FGF14: variants seen among roughly 807,000 people sequenced by gnomAD.
FGF14 encodes the protein fibroblast growth factor 14.
A neutral mutation model predicts 25.5 loss-of-function variants in FGF14; 5 were observed. The observed-to-expected ratio is 0.20, with a 90% CI of 0.10 to 0.41. The LOEUF (loss-of-function observed/expected upper bound fraction) is 0.41, where lower values mean the gene tolerates loss of function less well. FGF14 is among the 10% of genes least tolerant of loss of function. FGF14 has a pLI of 1.00. For synonymous variants in FGF14, 138 were observed against 118.3 expected (o/e 1.17, Z -1.08); for missense variants, 222 against 320.1 (o/e 0.69, Z 2.34).
intron 1 of FGF14, among the ~76,000 whole-genome samples, chr13:102,134,818 A>G (rs1338770371): frequency 6.6e-6 from 1 of 152,236 alleles, no homozygotes; most frequent in African/African-American, 2.4e-5. Context: ...CTCTGTTGAT[A>G]CAAATGTTTC....
intron 1 of FGF14, among the ~76,000 whole-genome samples, chr13:102,047,281 TA>T (rs1226560171): frequency 6.6e-6 from 1 of 152,074 alleles, no homozygotes; most frequent in Non-Finnish European, 1.5e-5. Context: ...CACATACACA[TA>T]CATACATCTT....
chr13:102,205,188 T>C (rs1368610755), intron 1 of FGF14, among the ~76,000 whole-genome samples: 3 of 152,222 alleles, frequency 2.0e-5, no homozygotes, highest in African/African-American at 4.8e-5. Flanking sequence ...TGTGTGTGTG[T>C]GCATGTGAAT....
chr13:101,924,598 G>A (rs867816265), intron 1 of FGF14, among the ~76,000 whole-genome samples: 5 of 151,958 alleles, frequency 3.3e-5, no homozygotes, highest in Admixed American at 6.6e-5. Flanking sequence ...AGAATATTTC[G>A]GTCATAATTA....
intron 1 of FGF14, among the ~76,000 whole-genome samples, chr13:102,037,308 G>A (rs1016214377): frequency 6.6e-6 from 1 of 152,084 alleles, no homozygotes; most frequent in East Asian, 1.9e-4. Context: ...TCAGGGTTGT[G>A]TTCCTTCCTG....
At chr13:102,401,350 C>T (rs2058700013) in intron 1 of FGF14, 1 of 915,294 alleles carries the variant, frequency 1.1e-6, no homozygotes. Context: ...ATATGCAACA[C>T]TGTCCTGGTT....
At chr13:102,247,666 T>C (rs2141054377) in intron 1 of FGF14, among the ~76,000 whole-genome samples, 1 of 152,324 alleles carries the variant, frequency 6.6e-6, no homozygotes, top group African/African-American at 2.4e-5. Flanking sequence ...TCAACCATTG[T>C]GGAAAGCAGT....
chr13:101,969,994 T>A (rs190533583), intron 1 of FGF14, among the ~76,000 whole-genome samples: 9 of 152,372 alleles, frequency 5.9e-5, no homozygotes, highest in Non-Finnish European at 1.5e-5. Flanking sequence ...CTTATTGTCA[T>A]CTGCCTTATA....
intron 1 of FGF14, among the ~76,000 whole-genome samples, chr13:101,880,579 C>A (rs1430336945): frequency 6.6e-6 from 1 of 152,062 alleles, no homozygotes; most frequent in African/African-American, 2.4e-5. Flanking sequence ...AACAAACTAA[C>A]AACAACAAAA....
At chr13:102,288,789 TG>T (rs2054235277) in intron 1 of FGF14, among the ~76,000 whole-genome samples, 1 of 152,152 alleles carries the variant, frequency 6.6e-6, no homozygotes. Context: ...TTCACCATGT[TG>T]GCCAGGCTGG....
intron 1 of FGF14, among the ~76,000 whole-genome samples, chr13:101,877,128 G>A (rs951308452): frequency 3.3e-5 from 5 of 152,040 alleles, no homozygotes; most frequent in South Asian, 2.1e-4. Context: ...GATCAGGCGA[G>A]GCAGTGAGAA....
chr13:102,358,041 C>T (rs982739853), intron 1 of FGF14, among the ~76,000 whole-genome samples: 2 of 152,154 alleles, frequency 1.3e-5, no homozygotes, highest in Non-Finnish European at 2.9e-5. Flanking sequence ...TTTGACCTCA[C>T]ATCAGGAAAA....
At chr13:101,852,130 T>C (rs1178881122) in intron 3 of FGF14, among the ~76,000 whole-genome samples, 2 of 152,110 alleles carry the variant, frequency 1.3e-5, no homozygotes, top group Non-Finnish European at 2.9e-5. Context: ...CTGAGGTGTT[T>C]TTATTTTACT....
chr13:102,044,298 A>G (rs2041878686), intron 1 of FGF14, among the ~76,000 whole-genome samples: 1 of 152,108 alleles, frequency 6.6e-6, no homozygotes, highest in African/African-American at 2.4e-5. Flanking sequence ...AATTACCCCT[A>G]AAAGATAACT....
At chr13:101,960,383 T>C (rs2036772822) in intron 1 of FGF14, among the ~76,000 whole-genome samples, 1 of 152,204 alleles carries the variant, frequency 6.6e-6, no homozygotes, top group Non-Finnish European at 1.5e-5. Flanking sequence ...CAGGCCCCAA[T>C]GTGTGATCTG....
chr13:101,959,680 G>C (rs185668263), intron 1 of FGF14, among the ~76,000 whole-genome samples: 4 of 152,168 alleles, frequency 2.6e-5, no homozygotes, highest in African/African-American at 9.6e-5. Context: ...TGATTTCTCT[G>C]GTCAAAGCCT....
chr13:102,082,914 C>T (rs1349885147), intron 1 of FGF14, among the ~76,000 whole-genome samples: 4 of 151,926 alleles, frequency 2.6e-5, no homozygotes, highest in African/African-American at 4.8e-5. Context: ...GCCGAGATCC[C>T]GCCACTGCAC....
intron 1 of FGF14, among the ~76,000 whole-genome samples, chr13:101,988,746 T>C (rs180689398): frequency 0.019 from 2,832 of 149,480 alleles, 50 homozygotes; most frequent in Non-Finnish European, 0.025. Context: ...TTAGGAGATA[T>C]ACCTAATGTT....
At chr13:102,246,363 TGC>T (rs2051867664) in intron 1 of FGF14, among the ~76,000 whole-genome samples, 3 of 152,098 alleles carry the variant, frequency 2.0e-5, no homozygotes, top group African/African-American at 7.2e-5. Flanking sequence ...GAGCAAGCAA[TGC>T]TACACAGATG....
intron 1 of FGF14, among the ~76,000 whole-genome samples, chr13:101,973,291 A>C (rs1240626567): frequency 6.6e-6 from 1 of 152,146 alleles, no homozygotes; most frequent in Non-Finnish European, 1.5e-5. Flanking sequence ...CCTTTAAATA[A>C]AATATATCCA....
Sources: gnomAD v4.1 joint callset for allele counts (sites outside exome capture counted in the v4.1 genomes callset) on GRCh38, gnomAD v4.1.1 for gene constraint, MANE v1.5 for transcripts, NCBI Gene and HGNC (gene_info 2026-07-23, HGNC 2026-07-21) for gene names.